Variants in GALNT17 observed in about 807,000 individuals in gnomAD.
GALNT17 encodes the protein polypeptide N-acetylgalactosaminyltransferase 17.
A neutral mutation model predicts 63.7 loss-of-function variants in GALNT17; 29 were observed. The observed-to-expected ratio is 0.46, with a 90% CI of 0.34 to 0.62. The LOEUF (loss-of-function observed/expected upper bound fraction) is 0.62, where lower values mean the gene tolerates loss of function less well. Among genes scored for constraint, GALNT17 ranks in the 20% least tolerant of loss-of-function variants. GALNT17 has a pLI of 0.01. For missense variants in GALNT17, 603 were observed against 799.6 expected (o/e 0.75, Z 2.97); for synonymous variants, 305 against 318.3 (o/e 0.96, Z 0.45).
intron 6 of GALNT17, among the ~76,000 whole-genome samples, chr7:71,605,876 TTTGA>T (rs1790039969): frequency 6.6e-6 from 1 of 152,206 alleles, no homozygotes; most frequent in African/African-American, 2.4e-5. Flanking sequence ...GGCTTACCCA[TTTGA>T]TTGATTGATT....
chr7:71,491,550 A>G (rs115740421), intron 5 of GALNT17, among the ~76,000 whole-genome samples: 239 of 152,284 alleles, frequency 1.6e-3, no homozygotes, highest in African/African-American at 5.5e-3. Flanking sequence ...CAGTGGAGAG[A>G]GGCAGGGTTC....
chr7:71,653,495 T>G (rs948620114), intron 6 of GALNT17, among the ~76,000 whole-genome samples: 2 of 151,892 alleles, frequency 1.3e-5, no homozygotes, highest in African/African-American at 4.8e-5. Context: ...AGCCTCTGCC[T>G]CCCAGGTTCA....
chr7:71,413,499 G>A (rs1563074487), intron 3 of GALNT17, among the ~76,000 whole-genome samples: 1 of 151,678 alleles, frequency 6.6e-6, no homozygotes, highest in Non-Finnish European at 1.5e-5. Flanking sequence ...CCGAGTAGCT[G>A]GGATTACAGG....
chr7:71,638,085 A>T (rs1790553209), intron 6 of GALNT17, among the ~76,000 whole-genome samples: 1 of 152,184 alleles, frequency 6.6e-6, no homozygotes, highest in African/African-American at 2.4e-5. Context: ...TCCCCTTTTT[A>T]CACCATAGAG....
chr7:71,422,632 C>T (rs1051926218), intron 5 of GALNT17, among the ~76,000 whole-genome samples: 1 of 152,250 alleles, frequency 6.6e-6, no homozygotes, highest in African/African-American at 2.4e-5. Flanking sequence ...GCTCCGACCC[C>T]ATGGCGGTCT....
At chr7:71,150,771 A>G (rs1362511126) in intron 1 of GALNT17, among the ~76,000 whole-genome samples, 4 of 151,534 alleles carry the variant, frequency 2.6e-5, no homozygotes, top group South Asian at 4.2e-4. Context: ...CGGCCTCCCA[A>G]AGTGCTGGGA....
At chr7:71,553,320 T>A (rs1181300811) in intron 5 of GALNT17, among the ~76,000 whole-genome samples, 2 of 151,960 alleles carry the variant, frequency 1.3e-5, no homozygotes, top group African/African-American at 4.8e-5. Flanking sequence ...GAGCAAGACC[T>A]TGTCTCTTTA....
chr7:71,682,185 G>A (rs1040893470), intron 9 of GALNT17, among the ~76,000 whole-genome samples: 6 of 151,990 alleles, frequency 3.9e-5, no homozygotes, highest in South Asian at 2.1e-4. Flanking sequence ...CCTTGGCCTC[G>A]CAAAGTGCTG....
At chr7:71,250,646 G>A (rs888292291) in intron 1 of GALNT17, among the ~76,000 whole-genome samples, 2 of 152,098 alleles carry the variant, frequency 1.3e-5, no homozygotes, top group African/African-American at 2.4e-5. Context: ...AGGTTTTCAC[G>A]TAAGAACTCA....
chr7:71,548,367 C>G (rs1196160483), intron 5 of GALNT17, among the ~76,000 whole-genome samples: 1 of 152,082 alleles, frequency 6.6e-6, no homozygotes. Context: ...TTTTTTTATG[C>G]TTTCTTGCCC....
rs145078808 is a variant in GALNT17 at position 71,521,702 on chromosome 7, C to G, written c.963-49583C>G. 7.9e-4 allele frequency among the ~76,000 whole-genome samples: 121 copies of G among 152,260 alleles called. 1 individual carries two copies. Among genetic ancestry groups the G allele is most frequent in the Non-Finnish European group, 1.4e-3 (95 of 68,028 alleles). Reference sequence around the variant, plus strand: ...GTGGATTTCACCATGCTGGGTTGCTCATAAAAAATGGTTTCTTCCTGATGC... The same window carrying G: ...GTGGATTTCACCATGCTGGGTTGCTGATAAAAAATGGTTTCTTCCTGATGC... On this transcript the variant is annotated intron_variant, in intron 5 of 10. Coordinates refer to ENST00000333538, the MANE Select transcript of GALNT17 (RefSeq NM_022479.3).
At chr7:71,510,762 C>G (rs529733705) in intron 5 of GALNT17, among the ~76,000 whole-genome samples, 116 of 152,256 alleles carry the variant, frequency 7.6e-4, no homozygotes, top group African/African-American at 2.7e-3. Flanking sequence ...TATGAAAAGC[C>G]TGTCCTCATG....
chr7:71,632,635 A>G (rs1399486085), intron 6 of GALNT17, among the ~76,000 whole-genome samples: 1 of 152,174 alleles, frequency 6.6e-6, no homozygotes, highest in African/African-American at 2.4e-5. Context: ...ACATGGATGG[A>G]AAATACAACC....
chr7:71,353,374 C>A (rs1792223357), intron 2 of GALNT17, among the ~76,000 whole-genome samples: 1 of 152,110 alleles, frequency 6.6e-6, no homozygotes, highest in African/African-American at 2.4e-5. Context: ...CTTACATAAC[C>A]ACAGGACAAT....
chr7:71,370,523 C>T (rs936084958), intron 2 of GALNT17, among the ~76,000 whole-genome samples: 2 of 152,102 alleles, frequency 1.3e-5, no homozygotes, highest in Non-Finnish European at 2.9e-5. Context: ...TTCCATCTGT[C>T]ACCCAGGCTG....
rs577232907 is a variant in GALNT17, at chr7:71,157,045, C to A, written c.238+24005C>A. On this transcript the variant is annotated intron_variant, in intron 1 of 10. Transcript: ENST00000333538. ...AGTCATAGCTCAGTGTAGCTTTGGA[C>A]TCTTAGGCTCAAGTGATCCTCCCAC... 9.8e-4 allele frequency among the ~76,000 whole-genome samples: 149 copies of A among 151,546 alleles called. 1 individual carries two copies. Among genetic ancestry groups the A allele is most frequent in the Admixed American group, 2.8e-3 (42 of 15,232 alleles).
At chr7:71,546,161 C>CTTTTTTTTTTTTTT (rs34711093) in intron 5 of GALNT17, among the ~76,000 whole-genome samples, 1 of 136,604 alleles carries the variant, frequency 7.3e-6, no homozygotes, top group Non-Finnish European at 1.6e-5. Flanking sequence ...TTGAGGGACA[C>CTTTTTTTTTTTTTT]TTTTTTTTTT....
At chr7:71,205,029 C>A (rs1789244725) in intron 1 of GALNT17, among the ~76,000 whole-genome samples, 2 of 151,730 alleles carry the variant, frequency 1.3e-5, no homozygotes, top group African/African-American at 4.8e-5. Context: ...TACATCTTTT[C>A]ATTTACTTGT....
chr7:71,377,909 C>G (rs1398879428), intron 2 of GALNT17, among the ~76,000 whole-genome samples: 6 of 152,170 alleles, frequency 3.9e-5, no homozygotes, highest in Non-Finnish European at 7.3e-5. Context: ...TTTCCTGAGG[C>G]CTTCCAAGCC....
Sources: gnomAD v4.1 joint callset for allele counts (sites outside exome capture counted in the v4.1 genomes callset) on GRCh38, gnomAD v4.1.1 for gene constraint, MANE v1.5 for transcripts, NCBI Gene and HGNC (gene_info 2026-07-23, HGNC 2026-07-21) for gene names.